The following RAB5A variants were observed in gnomAD, a reference collection of about 807,000 sequenced individuals.
RAB5A encodes ras-related protein Rab-5A.
In RAB5A, 8 loss-of-function variants were observed where a neutral mutation model predicts 25.7. The observed-to-expected ratio is 0.31, with a 90% CI of 0.18 to 0.56. RAB5A has a LOEUF of 0.56. Ranked by LOEUF, RAB5A falls within the 20% of genes least tolerant of loss-of-function variation. RAB5A has a pLI of 0.91. For missense variants in RAB5A, 192 were observed against 259.7 expected (o/e 0.74, Z 1.79); for synonymous variants, 98 against 89.8 (o/e 1.09, Z -0.52).
At chr3:19,949,912 C>T (rs890236437) in intron 1 of RAB5A, among the ~76,000 whole-genome samples, 1 of 152,104 alleles carries the variant, frequency 6.6e-6, no homozygotes, top group South Asian at 2.1e-4. Flanking sequence ...GTTCTGAGCG[C>T]CTGTAGTCTC....
intron 2 of RAB5A, among the ~76,000 whole-genome samples, chr3:19,971,115 C>T (rs56242922): frequency 4.0e-5 from 6 of 148,714 alleles, no homozygotes; most frequent in South Asian, 2.1e-4. Context: ...GAGAATCACT[C>T]GAACCCAGGA....
At chr3:19,960,133 T>G (rs1696564406) in intron 2 of RAB5A, among the ~76,000 whole-genome samples, 1 of 152,204 alleles carries the variant, frequency 6.6e-6, no homozygotes, top group East Asian at 1.9e-4. Context: ...TTTTAGGTCA[T>G]ATACCATAAT....
intron 2 of RAB5A, among the ~76,000 whole-genome samples, chr3:19,958,301 G>C (rs1366620471): frequency 1.3e-5 from 2 of 152,210 alleles, no homozygotes; most frequent in Non-Finnish European, 2.9e-5. Flanking sequence ...TTCAGAATTT[G>C]AGAGGTTGTT....
intron 2 of RAB5A, among the ~76,000 whole-genome samples, chr3:19,967,834 C>T (rs1446905487): frequency 2.6e-5 from 4 of 152,300 alleles, no homozygotes; most frequent in Admixed American, 2.0e-4. Context: ...ACTACACTCA[C>T]GACTGTCGCT....
intron 2 of RAB5A, among the ~76,000 whole-genome samples, chr3:19,971,213 A>AAAC (rs1553639431): frequency 0.023 from 3,349 of 146,286 alleles, 168 homozygotes; most frequent in African/African-American, 0.079. Flanking sequence ...AAAAAAAAAA[A>AAAC]AACACTATAG....
intron 1 of RAB5A, among the ~76,000 whole-genome samples, chr3:19,949,700 A>G (rs1413651720): frequency 1.3e-5 from 2 of 152,250 alleles, no homozygotes; most frequent in Non-Finnish European, 2.9e-5. Context: ...AAATTAGCAT[A>G]GAAGTCGCCA....
intron 2 of RAB5A, among the ~76,000 whole-genome samples, chr3:19,953,823 G>T (rs1696460129): frequency 6.6e-6 from 1 of 152,084 alleles, no homozygotes; most frequent in African/African-American, 2.4e-5. Flanking sequence ...ATTCTTTTAT[G>T]CTCTGTACTC....
chr3:19,951,281 C>T (rs1169667884), intron 2 of RAB5A: 3 of 434,176 alleles, frequency 6.9e-6, no homozygotes, highest in Non-Finnish European at 1.2e-5. Context: ...TATATTGTAG[C>T]TAAAATACAG....
intron 1 of RAB5A, chr3:19,947,776 TC>T (rs1696346012): frequency 6.6e-6 from 1 of 152,274 alleles, no homozygotes; most frequent in Non-Finnish European, 1.5e-5. Flanking sequence ...CTTTCCCTTC[TC>T]AAGATGGCGC....
intron 2 of RAB5A, among the ~76,000 whole-genome samples, chr3:19,971,339 G>A (rs1447876677): frequency 4.0e-5 from 6 of 151,884 alleles, no homozygotes; most frequent in Admixed American, 1.3e-4. Context: ...TGTTCATTTA[G>A]TACTGTAGCA....
intron 2 of RAB5A, among the ~76,000 whole-genome samples, chr3:19,963,875 G>A (rs913415753): frequency 1.3e-5 from 2 of 152,188 alleles, no homozygotes; most frequent in African/African-American, 4.8e-5. Flanking sequence ...CTGGCCTCAA[G>A]CAATCTTCCT....
intron 2 of RAB5A, chr3:19,970,659 A>G (rs1341263419): frequency 2.2e-6 from 1 of 448,268 alleles, no homozygotes; most frequent in African/African-American, 2.0e-5. Context: ...TCTAAGAGTG[A>G]TGGTTCTTAG....
chr3:19,974,799 G>A (rs554407407), intron 2 of RAB5A, among the ~76,000 whole-genome samples: 1 of 152,186 alleles, frequency 6.6e-6, no homozygotes, highest in Admixed American at 6.5e-5. Context: ...GCCAGTGTGC[G>A]CCAATAAAAA....
intron 1 of RAB5A, among the ~76,000 whole-genome samples, chr3:19,950,492 A>G (rs1362286213): frequency 1.3e-5 from 2 of 152,214 alleles, no homozygotes; most frequent in Admixed American, 6.5e-5. Context: ...AAGCTTCTTA[A>G]CATCTCTGTG....
intron 5 of RAB5A, among the ~76,000 whole-genome samples, chr3:19,980,408 A>G (rs191354319): frequency 3.9e-5 from 6 of 151,936 alleles, no homozygotes; most frequent in Non-Finnish European, 5.9e-5. Flanking sequence ...TTGTAAATGG[A>G]ATTGTGGCCT....
intron 2 of RAB5A, among the ~76,000 whole-genome samples, chr3:19,974,703 A>G (rs1696797244): frequency 7.5e-6 from 1 of 134,188 alleles, no homozygotes; most frequent in Non-Finnish European, 1.6e-5. Flanking sequence ...CCTGGGAGAT[A>G]GAGCAAGACT....
intron 2 of RAB5A, among the ~76,000 whole-genome samples, chr3:19,974,817 A>C (rs1696799767): frequency 6.6e-6 from 1 of 152,230 alleles, no homozygotes; most frequent in Non-Finnish European, 1.5e-5. Flanking sequence ...AAACTAGTAA[A>C]ATGGAACAGG....
At chr3:19,948,991 G>A (rs1455884389) in intron 1 of RAB5A, among the ~76,000 whole-genome samples, 3 of 152,172 alleles carry the variant, frequency 2.0e-5, no homozygotes, top group African/African-American at 7.2e-5. Context: ...TCCCTACTAT[G>A]TATATTAGAG....
At chr3:19,949,470 G>C (rs796266661) in intron 1 of RAB5A, among the ~76,000 whole-genome samples, 22 of 152,152 alleles carry the variant, frequency 1.4e-4, no homozygotes, top group African/African-American at 5.1e-4. Context: ...CAAAGTGTTG[G>C]GATTTACCGG....
Sources: allele counts gnomAD v4.1 joint callset (sites outside exome capture counted in the v4.1 genomes callset), GRCh38; gene constraint gnomAD v4.1.1; transcripts MANE v1.5; gene names NCBI Gene and HGNC (gene_info 2026-07-23, HGNC 2026-07-21).